Variants in COL21A1 observed in about 807,000 individuals in gnomAD.
COL21A1 encodes the protein collagen type XXI alpha 1 chain.
Under a neutral mutation model 137.9 loss-of-function variants are expected in COL21A1, and 149 were observed. The ratio of observed to expected loss-of-function variants is 1.08; its 90% confidence interval spans 0.95 to 1.24. The LOEUF (loss-of-function observed/expected upper bound fraction) is 1.24, where lower values mean the gene tolerates loss of function less well. Among genes scored for constraint, COL21A1 ranks in the 50% most tolerant of loss-of-function variants. The pLI, the probability that COL21A1 is intolerant of heterozygous loss-of-function variation, is 0.00. For synonymous variants in COL21A1, 456 were observed against 391.5 expected, an observed-to-expected ratio of 1.16 and a Z score of -1.95; for missense variants, 1,167 against 1,158.4, an observed-to-expected ratio of 1.01 and a Z score of -0.11.
chr6:56,120,830 C>T (rs894061540), intron 16 of COL21A1, among the ~76,000 whole-genome samples: 1 of 151,162 alleles, frequency 6.6e-6, no homozygotes, highest in East Asian at 1.9e-4. Flanking sequence ...AAAAATGGAG[C>T]TACCATATGA....
chr6:56,100,745 T>A (rs1562197351), intron 17 of COL21A1, among the ~76,000 whole-genome samples: 1 of 152,208 alleles, frequency 6.6e-6, no homozygotes, highest in African/African-American at 2.4e-5. Flanking sequence ...AGTAGTTTAA[T>A]CCCTCTACCC....
chr6:56,256,482 T>C (rs902125240), intron 1 of COL21A1, among the ~76,000 whole-genome samples: 8 of 152,108 alleles, frequency 5.3e-5, no homozygotes, highest in African/African-American at 1.7e-4. Context: ...GAAAAAAAAA[T>C]TAATTCGCAT....
chr6:56,320,838 T>G (rs939432585), intron 1 of COL21A1, among the ~76,000 whole-genome samples: 1 of 152,156 alleles, frequency 6.6e-6, no homozygotes, highest in African/African-American at 2.4e-5. Context: ...TCCAAAGCAA[T>G]TACATCTTCA....
intron 1 of COL21A1, among the ~76,000 whole-genome samples, chr6:56,314,506 G>A (rs1412892336): frequency 6.6e-6 from 1 of 152,020 alleles, no homozygotes; most frequent in Non-Finnish European, 1.5e-5. Context: ...CAGATTCTAG[G>A]CTCAGTTCTA....
intron 1 of COL21A1, among the ~76,000 whole-genome samples, chr6:56,389,357 T>C (rs2094024608): frequency 6.8e-6 from 1 of 147,714 alleles, no homozygotes; most frequent in Non-Finnish European, 1.5e-5. Context: ...AGACTCCATC[T>C]CAAAAAACAA....
chr6:56,198,071 C>CA (rs1779148788), intron 1 of COL21A1, among the ~76,000 whole-genome samples: 1 of 152,070 alleles, frequency 6.6e-6, no homozygotes, highest in Admixed American at 6.6e-5. Context: ...CCATTTGCAA[C>CA]AACATGGATA....
intron 10 of COL21A1, among the ~76,000 whole-genome samples, chr6:56,149,897 T>C (rs1177505788): frequency 6.6e-6 from 1 of 152,174 alleles, no homozygotes; most frequent in Non-Finnish European, 1.5e-5. Context: ...GAAGCCAAAG[T>C]AATTTCTTTT....
intron 1 of COL21A1, among the ~76,000 whole-genome samples, chr6:56,337,189 A>G (rs1168248519): frequency 2.6e-5 from 4 of 152,154 alleles, no homozygotes; most frequent in Non-Finnish European, 4.4e-5. Flanking sequence ...CCTATTTTTA[A>G]ACATTTTCTG....
chr6:56,258,801 A>T (rs1322870172), intron 1 of COL21A1, among the ~76,000 whole-genome samples: 1 of 152,190 alleles, frequency 6.6e-6, no homozygotes, highest in East Asian at 1.9e-4. Context: ...ATTAGCTGAT[A>T]GGCAATTTTC....
intron 1 of COL21A1, among the ~76,000 whole-genome samples, chr6:56,331,232 C>A (rs1394242472): frequency 6.6e-6 from 1 of 150,714 alleles, no homozygotes. Flanking sequence ...TCAATATTTT[C>A]TTCCATTCTG....
chr6:56,157,066 C>CA, intron 9 of COL21A1, 117 bp from the exon 10 acceptor site: 3 of 373,292 alleles, frequency 8.0e-6, no homozygotes, highest in South Asian at 5.0e-5. Flanking sequence ...ATGTTAAAAA[C>CA]AAAAGTAAAA....
intron 1 of COL21A1, among the ~76,000 whole-genome samples, chr6:56,268,774 G>A (rs1437898921): frequency 6.6e-6 from 1 of 152,166 alleles, no homozygotes; most frequent in Non-Finnish European, 1.5e-5. Flanking sequence ...CCCAGCAGTC[G>A]TTCTTAATCA....
chr6:56,143,713 T>C (rs1024091798), intron 10 of COL21A1, among the ~76,000 whole-genome samples: 1 of 152,164 alleles, frequency 6.6e-6, no homozygotes, highest in Admixed American at 6.5e-5. Flanking sequence ...CGTGCATTTT[T>C]CCAACCCATC....
chr6:56,069,333 G>C (rs1766533612), intron 21 of COL21A1, among the ~76,000 whole-genome samples: 1 of 151,172 alleles, frequency 6.6e-6, no homozygotes, highest in South Asian at 2.1e-4. Context: ...AATTCTCACA[G>C]CATTTCATAT....
intron 1 of COL21A1, among the ~76,000 whole-genome samples, chr6:56,357,290 C>G (rs1562070322): frequency 1.3e-5 from 2 of 152,130 alleles, no homozygotes; most frequent in African/African-American, 2.4e-5. Context: ...TATGTCTCCC[C>G]ATGTCTGACA....
chr6:56,076,563 A>C (rs1472177313), intron 18 of COL21A1, among the ~76,000 whole-genome samples: 1 of 151,500 alleles, frequency 6.6e-6, no homozygotes, highest in African/African-American at 2.4e-5. Flanking sequence ...AAAAATTATA[A>C]ACTCTGAAAG....
intron 17 of COL21A1, among the ~76,000 whole-genome samples, chr6:56,097,884 AAT>A (rs1184911798): frequency 6.1e-5 from 6 of 99,050 alleles, no homozygotes; most frequent in South Asian, 2.7e-4. Context: ...TAAATATATA[AAT>A]ATATATAAAT....
rs192447389 is a variant in COL21A1, at chr6:56,328,163, T to C, written c.-39+65808A>G. Among the ~76,000 whole-genome samples the C allele has an allele frequency of 2.0e-4, 31 of 152,240 alleles. No individual in the cohort carries two copies. The East Asian group carries it at 3.1e-3, about 15-fold the overall frequency. On this transcript the variant is annotated intron_variant, in intron 1 of 28. Coordinates refer to the COL21A1 transcript ENST00000370819. ...GTGAGTCAAAATAAATTAATAGTTA[T>C]ATAAACCAAGTATGTAAACTTGTCT...
At position 56,380,835 on chromosome 6, in the gene COL21A1, T is replaced by C. The variant is rs116240098; in HGVS notation, c.-39+13136A>G. 6.7e-3 allele frequency among the ~76,000 whole-genome samples: 1,026 copies of C among 152,302 alleles called. 12 individuals are homozygous for C. Among genetic ancestry groups the C allele is most frequent in the African/African-American group, 0.022 (932 of 41,564 alleles). On this transcript the variant is annotated intron_variant, in intron 1 of 28. Transcript: ENST00000370819. ...AGAAAATCCAGGTGTTAGATAAGCT[T>C]CTTTAATGCATGAGTTATAGCACTG...
Sources: allele counts gnomAD v4.1 joint callset (sites outside exome capture counted in the v4.1 genomes callset), GRCh38; gene constraint gnomAD v4.1.1; transcripts MANE v1.5; gene names NCBI Gene and HGNC (gene_info 2026-07-23, HGNC 2026-07-21).